Variants in GFOD2 observed in about 807,000 individuals in gnomAD.
GFOD2 encodes Gfo/Idh/MocA-like oxidoreductase domain containing 2.
Under a neutral mutation model 24.6 loss-of-function variants are expected in GFOD2, and 9 were observed. The observed-to-expected ratio is 0.37, with a 90% CI of 0.22 to 0.64. The LOEUF (loss-of-function observed/expected upper bound fraction) is 0.64. GFOD2 is among the 30% of genes least tolerant of loss of function. GFOD2 has a pLI of 0.65. For synonymous variants in GFOD2, 211 were observed against 224.8 expected (o/e 0.94, Z 0.55); for missense variants, 476 against 532.5 (o/e 0.89, Z 1.04).
intron 2 of GFOD2, among the ~76,000 whole-genome samples, chr16:67,678,190 G>A (rs929172794): frequency 6.6e-6 from 1 of 152,174 alleles, no homozygotes; most frequent in African/African-American, 2.4e-5. Context: ...GATGGCCAAT[G>A]TCTTGGCTGG....
intron 1 of GFOD2, among the ~76,000 whole-genome samples, chr16:67,704,008 A>G (rs1004742767): frequency 1.4e-4 from 21 of 152,318 alleles, no homozygotes; most frequent in African/African-American, 4.6e-4. Flanking sequence ...ATGTTGTAGC[A>G]TGTGTCAGAT....
chr16:67,714,347 C>T (rs1438305140), intron 1 of GFOD2, among the ~76,000 whole-genome samples: 2 of 151,624 alleles, frequency 1.3e-5, no homozygotes, highest in African/African-American at 2.4e-5. Context: ...GGCATGAAGG[C>T]GCACACCTGT....
intron 2 of GFOD2, among the ~76,000 whole-genome samples, chr16:67,679,062 G>A (rs2053204465): frequency 6.6e-6 from 1 of 152,134 alleles, no homozygotes; most frequent in African/African-American, 2.4e-5. Context: ...AGCTACTTGG[G>A]AGACTGAGGT....
intron 2 of GFOD2, among the ~76,000 whole-genome samples, chr16:67,679,235 TC>T (rs1337216362): frequency 4.0e-5 from 6 of 151,550 alleles, no homozygotes; most frequent in Non-Finnish European, 7.4e-5. Context: ...CTTTTTTTTT[TC>T]TTTTTTTTTT....
At chr16:67,687,206 G>A (rs2142994104) in intron 1 of GFOD2, among the ~76,000 whole-genome samples, 1 of 151,016 alleles carries the variant, frequency 6.6e-6, no homozygotes, top group African/African-American at 2.4e-5. Context: ...AGTTCAAGAG[G>A]AAAGTGAAAG....
chr16:67,681,520 C>T, intron 2 of GFOD2: 16 of 637,018 alleles, frequency 2.5e-5, no homozygotes, highest in Non-Finnish European at 3.1e-5. Flanking sequence ...GCTAACCTCC[C>T]ACCTCAGCCT....
At chr16:67,709,006 TAAAAC>T (rs1488467496) in intron 1 of GFOD2, among the ~76,000 whole-genome samples, 1 of 152,190 alleles carries the variant, frequency 6.6e-6, no homozygotes, top group Admixed American at 6.5e-5. Context: ...CAACCTAACT[TAAAAC>T]AAACTGTAGG....
chr16:67,708,593 CAT>C (rs952001846), intron 1 of GFOD2, among the ~76,000 whole-genome samples: 5 of 152,186 alleles, frequency 3.3e-5, no homozygotes, highest in African/African-American at 1.2e-4. Flanking sequence ...GATGGCTATT[CAT>C]AGAGCATTGG....
In GFOD2 at chr16:67,685,353, A is replaced by G. The variant is rs1400179425; in HGVS notation, c.259+104T>C. 20 of 1,550,136 alleles carry G rather than the reference A, an allele frequency of 1.3e-5. No individual in the cohort carries two copies. In the Middle Eastern group the frequency reaches 5.5e-4, roughly 42 times the overall value. On this transcript the variant is annotated intron_variant, in intron 2 of 2. Transcript: ENST00000268797. ...GATGTCCCAGAGTTCTCCTCCCTGC[A>G]GATGCGAGCCCAGGAAGGAGAGCTC...
chr16:67,678,106 G>A (rs745866125), intron 2 of GFOD2, among the ~76,000 whole-genome samples: 1 of 152,212 alleles, frequency 6.6e-6, no homozygotes, highest in African/African-American at 2.4e-5. Context: ...GCTCAGGAGG[G>A]GCCAGCTTAC....
Position 67,679,132 on chromosome 16 carries a change from G to A in GFOD2, c.260-3079C>T, listed in dbSNP as rs900252615. Among the ~76,000 whole-genome samples the A allele has an allele frequency of 9.2e-5, 14 of 152,258 alleles. 1 individual carries two copies. Among genetic ancestry groups the A allele is most frequent in the East Asian group, 3.9e-4 (2 of 5,188 alleles). ...CAGTTTGCTGCGATCAAGCCACTGC[G>A]CTCCAGCATGGGTGACAGAATGAGA... On this transcript the variant is annotated intron_variant, in intron 2 of 2. Coordinates refer to ENST00000268797, the MANE Select transcript of GFOD2 (RefSeq NM_030819.4).
At chr16:67,683,394 T>C (rs554073814) in intron 2 of GFOD2, 1,533 of 1,228,394 alleles carry the variant, frequency 1.2e-3, no homozygotes, top group Non-Finnish European at 1.5e-3. Context: ...CCAGCCTGCA[T>C]TCAAGCCACA....
chr16:67,718,872 G>C (rs2053525024), intron 1 of GFOD2, among the ~76,000 whole-genome samples: 1 of 152,198 alleles, frequency 6.6e-6, no homozygotes, highest in Non-Finnish European at 1.5e-5. Flanking sequence ...CTAGGTTTTT[G>C]CATCTGGTAA....
At chr16:67,680,990 C>T (rs1321911541) in intron 2 of GFOD2, 16 of 985,450 alleles carry the variant, frequency 1.6e-5, no homozygotes, top group Non-Finnish European at 1.8e-5. Flanking sequence ...GGCCCTTGCA[C>T]GGGGCCCGGC....
intron 2 of GFOD2, chr16:67,682,789 A>C: frequency 1.0e-6 from 1 of 985,286 alleles, no homozygotes; most frequent in Non-Finnish European, 1.2e-6. Flanking sequence ...GACTTGGTGA[A>C]ATGTAACCAA....
At chr16:67,716,966 G>A (rs1296596829) in intron 1 of GFOD2, among the ~76,000 whole-genome samples, 2 of 152,090 alleles carry the variant, frequency 1.3e-5, no homozygotes, top group African/African-American at 2.4e-5. Flanking sequence ...GCGCGATCTC[G>A]ACTCACTGCA....
rs1567652174 is a variant in GFOD2 at position 67,675,617 on chromosome 16, A to AC, written c.695dup (p.Val233CysfsTer3). ...AGTTGAGTGTCACTGTGCTACACACACCCCCACCCATGAGCATCTGGAAGA... is the reference window on the plus strand; with the variant it reads ...AGTTGAGTGTCACTGTGCTACACACACCCCCCACCCATGAGCATCTGGAAGA... On this transcript the variant is annotated frameshift_variant, in exon 3 of 3. Coordinates refer to ENST00000268797, the MANE Select transcript of GFOD2 (RefSeq NM_030819.4). LOFTEE classifies it high-confidence loss of function. 3.1e-6 allele frequency: 5 copies of AC among 1,613,174 alleles called. No individual in the cohort carries two copies. The highest frequency in any genetic ancestry group is 4.2e-6 in the Non-Finnish European group (5 of 1,180,022).
intron 1 of GFOD2, among the ~76,000 whole-genome samples, chr16:67,695,574 C>A (rs1314077987): frequency 7.0e-6 from 1 of 142,606 alleles, no homozygotes; most frequent in East Asian, 2.0e-4. Flanking sequence ...TCATTTCTGT[C>A]ACCCAGGCTG....
intron 2 of GFOD2, among the ~76,000 whole-genome samples, chr16:67,678,139 G>A (rs923120647): frequency 6.6e-6 from 1 of 152,226 alleles, no homozygotes; most frequent in African/African-American, 2.4e-5. Context: ...AGTAACTACA[G>A]ACAATAAATC....
Sources: gnomAD v4.1 joint callset for allele counts (sites outside exome capture counted in the v4.1 genomes callset) on GRCh38, gnomAD v4.1.1 for gene constraint, MANE v1.5 for transcripts, NCBI Gene and HGNC (gene_info 2026-07-23, HGNC 2026-07-21) for gene names.